The following UQCC1 variants were observed in gnomAD, a reference collection of about 807,000 sequenced individuals.
UQCC1 encodes ubiquinol-cytochrome c reductase complex assembly factor 1, also known as bFGF-repressed Zic-binding protein.
UQCC1 carries 38 observed loss-of-function variants against 48.0 expected under a neutral mutation model. That is an observed-to-expected ratio of 0.79 (90% confidence interval 0.61 to 1.04). The LOEUF is 1.04. Ranked by LOEUF, UQCC1 falls within the 50% of genes least tolerant of loss-of-function variation. The pLI is 0.00. For synonymous variants in UQCC1, 111 were observed against 129.2 expected, an observed-to-expected ratio of 0.86 and a Z score of 0.95; for missense variants, 368 against 381.8, an observed-to-expected ratio of 0.96 and a Z score of 0.30.
intron 7 of UQCC1, among the ~76,000 whole-genome samples, chr20:35,327,259 C>T (rs549761691): frequency 5.3e-5 from 8 of 152,296 alleles, no homozygotes; most frequent in South Asian, 4.1e-4. Context: ...GTCTAAAGCT[C>T]AAAACAGTAA....
intron 5 of UQCC1, among the ~76,000 whole-genome samples, chr20:35,369,884 C>A (rs2061710364): frequency 6.6e-6 from 1 of 152,130 alleles, no homozygotes; most frequent in African/African-American, 2.4e-5. Flanking sequence ...AGAATGTATT[C>A]ATTAAGGAGC....
intron 1 of UQCC1, among the ~76,000 whole-genome samples, chr20:35,403,645 A>G (rs1371171746): frequency 6.6e-6 from 1 of 152,256 alleles, no homozygotes; most frequent in Non-Finnish European, 1.5e-5. Context: ...ACAATAGCAA[A>G]GACTTGGAAC....
chr20:35,379,305 T>A (rs969507060), intron 4 of UQCC1, among the ~76,000 whole-genome samples: 3 of 152,332 alleles, frequency 2.0e-5, no homozygotes, highest in South Asian at 2.1e-4. Flanking sequence ...TGGACAGACA[T>A]GCAGGTATTT....
intron 6 of UQCC1, among the ~76,000 whole-genome samples, chr20:35,353,026 A>T (rs748013362): frequency 2.4e-4 from 36 of 152,272 alleles, no homozygotes; most frequent in Non-Finnish European, 3.7e-4. Context: ...AATAAAATTT[A>T]AAAAAACAGA....
intron 7 of UQCC1, among the ~76,000 whole-genome samples, chr20:35,341,893 C>A (rs1416913436): frequency 3.3e-5 from 5 of 152,088 alleles, no homozygotes; most frequent in Non-Finnish European, 7.3e-5. Flanking sequence ...AAGTGCCAGG[C>A]ACATGTGCTA....
chr20:35,372,101 G>A (rs1354045828), intron 5 of UQCC1, among the ~76,000 whole-genome samples: 4 of 151,922 alleles, frequency 2.6e-5, no homozygotes, highest in Admixed American at 1.3e-4. Flanking sequence ...CACAAGGTCA[G>A]GAGTTCGAGA....
intron 9 of UQCC1, chr20:35,304,656 C>T (rs2060908963): frequency 6.5e-6 from 1 of 154,824 alleles, no homozygotes; most frequent in Non-Finnish European, 1.4e-5. Context: ...CTCTGTTGTC[C>T]TCTAGTGGGC....
chr20:35,375,004 G>A (rs1417384319), intron 4 of UQCC1, among the ~76,000 whole-genome samples: 2 of 152,012 alleles, frequency 1.3e-5, no homozygotes, highest in East Asian at 3.9e-4. Flanking sequence ...TGGGTCTGAA[G>A]ACCAACTCAG....
At chr20:35,365,371 T>C (rs548861796) in intron 6 of UQCC1, among the ~76,000 whole-genome samples, 5 of 152,214 alleles carry the variant, frequency 3.3e-5, no homozygotes, top group Admixed American at 6.5e-5. Context: ...AAAGATAGCA[T>C]AGGCTGGGCA....
chr20:35,385,839 A>G (rs1418523569), intron 2 of UQCC1, among the ~76,000 whole-genome samples: 1 of 151,056 alleles, frequency 6.6e-6, no homozygotes, highest in Admixed American at 6.6e-5. Context: ...TTTTTTTTAA[A>G]TAGACTTTTT....
Position 35,384,022 on chromosome 20 carries a change from C to A in UQCC1, c.225+16G>T, listed in dbSNP as rs1343042471. The A allele has an allele frequency of 5.0e-6, 8 of 1,603,732 alleles. No individual in the cohort carries two copies. The highest frequency in any genetic ancestry group is 6.8e-6 in the Non-Finnish European group (8 of 1,171,360). On this transcript the variant is annotated intron_variant, in intron 3 of 9. Transcript: ENST00000374385. ...GAAAGCACTCTATAAACACAGAATG[C>A]ACTGATAATTCTCACCTTACGTGTG...
At chr20:35,349,818 T>G (rs1345157902) in intron 6 of UQCC1, among the ~76,000 whole-genome samples, 3 of 152,238 alleles carry the variant, frequency 2.0e-5, no homozygotes, top group Admixed American at 6.5e-5. Flanking sequence ...GCAACACAGT[T>G]GGACCCCGAT....
chr20:35,304,435 C>T (rs1327076720), intron 9 of UQCC1, among the ~76,000 whole-genome samples: 2 of 152,130 alleles, frequency 1.3e-5, no homozygotes, highest in African/African-American at 2.4e-5. Context: ...CGCACACAGC[C>T]ATGCTGTCCA....
At chr20:35,400,116 G>T (rs914776433) in intron 1 of UQCC1, among the ~76,000 whole-genome samples, 5 of 151,760 alleles carry the variant, frequency 3.3e-5, no homozygotes, top group African/African-American at 7.2e-5. Context: ...GGTAGAGGCG[G>T]GGTTTCACCA....
At chr20:35,334,537 C>A (rs528998305) in intron 7 of UQCC1, among the ~76,000 whole-genome samples, 1 of 152,340 alleles carries the variant, frequency 6.6e-6, no homozygotes, top group East Asian at 1.9e-4. Context: ...CAAATGTCAT[C>A]TATTCCCAGC....
At chr20:35,312,311 T>C (rs1368655030) in intron 8 of UQCC1, among the ~76,000 whole-genome samples, 1 of 152,122 alleles carries the variant, frequency 6.6e-6, no homozygotes, top group Non-Finnish European at 1.5e-5. Flanking sequence ...AATGCTCCCT[T>C]GTAATTCAGG....
At chr20:35,381,562 T>A (rs1287918649) in intron 4 of UQCC1, among the ~76,000 whole-genome samples, 3 of 152,224 alleles carry the variant, frequency 2.0e-5, no homozygotes, top group South Asian at 2.1e-4. Flanking sequence ...GAATAATGTA[T>A]GGACCTTGAG....
rs755113656 is a variant in UQCC1 at position 35,304,082 on chromosome 20, G to GAGGGGGA, written c.766-20_766-14dup. 1.1e-5 allele frequency: 18 copies of GAGGGGGA among 1,613,896 alleles called. No homozygotes were observed. The South Asian group carries it at 2.0e-4, about 18-fold the overall frequency. ...CCAGGTACTGTATCTGCAACCAGGGGAGGGGGAAGGAGGAAGCGACAGAGG... is the reference window on the plus strand; with the variant it reads ...CCAGGTACTGTATCTGCAACCAGGGGAGGGGGAAGGGGGAAGGAGGAAGCGACAGAGG... On this transcript the variant is annotated splice_polypyrimidine_tract_variant and intron_variant, in intron 9 of 9. Transcript: ENST00000374385.
Position 35,303,791 on chromosome 20 carries a change from T to C in UQCC1, c.*144A>G, listed in dbSNP as rs1470341362. 7 of 1,181,356 alleles carry C rather than the reference T, an allele frequency of 5.9e-6. No individual in the cohort carries two copies. The highest frequency in any genetic ancestry group is 2.0e-5 in the Admixed American group (1 of 50,904). 73.2% of individuals were successfully genotyped at this position (1,181,356 alleles called of 1,614,324 possible). A position where few individuals can be genotyped will look rare whatever the true frequency, so the allele number is the denominator to read the frequency against. ...ACTCCTGGGCACACTAAGAGGAAAC[T>C]CAACACAAATGGGGCCAGGTATTTG... On this transcript the variant is annotated 3_prime_UTR_variant, in exon 10 of 10. Transcript: ENST00000374385.
Sources: allele counts gnomAD v4.1 joint callset (sites outside exome capture counted in the v4.1 genomes callset), GRCh38; gene constraint gnomAD v4.1.1; transcripts MANE v1.5; gene names NCBI Gene and HGNC (gene_info 2026-07-23, HGNC 2026-07-21).